The following GALNT17 variants were observed in gnomAD, a reference collection of about 807,000 sequenced individuals.
GALNT17 encodes polypeptide N-acetylgalactosaminyltransferase 17.
GALNT17 carries 29 observed loss-of-function variants against 63.7 expected under a neutral mutation model. That is an observed-to-expected ratio of 0.46 (90% confidence interval 0.34 to 0.62). GALNT17 has a LOEUF of 0.62. GALNT17 is among the 20% of genes least tolerant of loss of function. The probability of loss-of-function intolerance (pLI) is 0.01; values close to 1 mark genes in which losing one functional copy is unlikely to be tolerated. For synonymous variants in GALNT17, 305 were observed against 318.3 expected, an observed-to-expected ratio of 0.96 and a Z score of 0.45; for missense variants, 603 against 799.6, an observed-to-expected ratio of 0.75 and a Z score of 2.97.
chr7:71,521,681 A>G (rs1056509448), intron 5 of GALNT17, among the ~76,000 whole-genome samples: 5 of 151,992 alleles, frequency 3.3e-5, no homozygotes, highest in Admixed American at 6.6e-5. Flanking sequence ...AGCCCAGTGG[A>G]TTTCACCATG....
At chr7:71,468,188 T>C (rs1193256000) in intron 5 of GALNT17, among the ~76,000 whole-genome samples, 1 of 152,070 alleles carries the variant, frequency 6.6e-6, no homozygotes, top group East Asian at 1.9e-4. Context: ...CCACCACACC[T>C]GGCTAGTTTT....
intron 1 of GALNT17, among the ~76,000 whole-genome samples, chr7:71,167,869 C>T (rs751681815): frequency 1.3e-5 from 2 of 151,848 alleles, no homozygotes; most frequent in African/African-American, 4.8e-5. Flanking sequence ...TTTGTTTTTC[C>T]GTGTTGGCCA....
At chr7:71,694,123 A>C (rs968932665) in intron 9 of GALNT17, among the ~76,000 whole-genome samples, 1 of 152,062 alleles carries the variant, frequency 6.6e-6, no homozygotes, top group East Asian at 1.9e-4. Context: ...AAGAGAAGAG[A>C]ACTTGTGCAG....
chr7:71,496,363 G>A (rs10257562), intron 5 of GALNT17, among the ~76,000 whole-genome samples: 7,607 of 152,050 alleles, frequency 0.05, 367 homozygotes, highest in African/African-American at 0.13. Flanking sequence ...GTGGGGGTGG[G>A]GAGACATCTT....
rs2115574284 is a variant in GALNT17 at position 71,712,384 on chromosome 7, C to G, written c.*238C>G. ...AGCCCCCCACCCTTCCTCTGGGAAACTGACAGCTGTCTTCCACAGCCTCTG... is the reference window on the plus strand; with the variant it reads ...AGCCCCCCACCCTTCCTCTGGGAAAGTGACAGCTGTCTTCCACAGCCTCTG... On this transcript the variant is annotated 3_prime_UTR_variant, in exon 11 of 11. Transcript: ENST00000333538. 4.9e-6 allele frequency: 2 copies of G among 404,728 alleles called. No homozygotes were observed. Among genetic ancestry groups the G allele is most frequent in the Non-Finnish European group, 9.0e-6 (2 of 221,840 alleles). 25.1% of individuals were successfully genotyped at this position (404,728 alleles called of 1,614,324 possible).
At chr7:71,657,885 GAT>G (rs1255237804) in intron 6 of GALNT17, among the ~76,000 whole-genome samples, 346 of 22,942 alleles carry the variant, frequency 0.015, 3 homozygotes, top group Non-Finnish European at 0.014. Context: ...TGGATGGATG[GAT>G]GGATGGATGG....
intron 5 of GALNT17, among the ~76,000 whole-genome samples, chr7:71,441,533 C>A (rs1787066911): frequency 1.3e-5 from 2 of 152,130 alleles, no homozygotes; most frequent in South Asian, 2.1e-4. Flanking sequence ...TTTGTTAACA[C>A]AGGTATACAT....
chr7:71,254,842 C>T (rs780961266), intron 1 of GALNT17, among the ~76,000 whole-genome samples: 17 of 152,228 alleles, frequency 1.1e-4, no homozygotes, highest in African/African-American at 3.1e-4. Flanking sequence ...AAATGAGACT[C>T]GGCCACAGTC....
At chr7:71,624,478 C>A (rs1790342237) in intron 6 of GALNT17, among the ~76,000 whole-genome samples, 1 of 151,860 alleles carries the variant, frequency 6.6e-6, no homozygotes. Context: ...GGCCTTATAC[C>A]AATTGCAAGG....
chr7:71,132,969 C>G lies in GALNT17; in HGVS notation c.167C>G (p.Ala56Gly). 1.2e-6 allele frequency: 2 copies of G among 1,609,238 alleles called. No individual in the cohort carries two copies. The highest frequency in any genetic ancestry group is 1.3e-5 in the African/African-American group (1 of 74,958). Residue 56 changes from alanine to glycine, a missense_variant, in exon 1 of 11, where the codon GCC becomes GGC. Ala to Gly is a moderately conservative substitution (Grantham distance 60, BLOSUM62 0). Transcript: ENST00000333538. Reference protein sequence around the residue: ...AEVANLSAHSASPIQDAVLKR... With the variant: ...AEVANLSAHSGSPIQDAVLKR... Reference sequence around the variant, plus strand: ...GTGGCCAACCTCAGCGCGCACAGCGCCAGCCCCATCCAGGATGCGGTCCTG... The same window carrying G: ...GTGGCCAACCTCAGCGCGCACAGCGGCAGCCCCATCCAGGATGCGGTCCTG...
intron 2 of GALNT17, among the ~76,000 whole-genome samples, chr7:71,372,772 A>G (rs1792648540): frequency 6.6e-6 from 1 of 152,246 alleles, no homozygotes; most frequent in Non-Finnish European, 1.5e-5. Flanking sequence ...TATTAGCTTT[A>G]TATTGGATTG....
chr7:71,306,064 A>G (rs1791287008), intron 1 of GALNT17, among the ~76,000 whole-genome samples: 1 of 152,060 alleles, frequency 6.6e-6, no homozygotes, highest in East Asian at 1.9e-4. Context: ...ACTTAAAAAT[A>G]CTAAAATTAG....
At chr7:71,506,287 G>C (rs1267332181) in intron 5 of GALNT17, among the ~76,000 whole-genome samples, 3 of 152,036 alleles carry the variant, frequency 2.0e-5, no homozygotes, top group Non-Finnish European at 4.4e-5. Context: ...TTTATTTTGA[G>C]ATGGAGTCTT....
intron 1 of GALNT17, among the ~76,000 whole-genome samples, chr7:71,177,752 T>G (rs58698445): frequency 0.022 from 3,412 of 152,302 alleles, 93 homozygotes; most frequent in African/African-American, 0.067. Flanking sequence ...ATATAGCTTG[T>G]GTCACGTTAT....
rs186129309 is a variant in GALNT17 at position 71,389,906 on chromosome 7, A to G, written c.589+1505A>G. Reference sequence around the variant, plus strand: ...AAACTGTACAACAGGCAAATATTGCATGTCAATAACAAAACTCCTGGGAGA... The same window carrying G: ...AAACTGTACAACAGGCAAATATTGCGTGTCAATAACAAAACTCCTGGGAGA... On this transcript the variant is annotated intron_variant, in intron 3 of 10. Coordinates refer to ENST00000333538, the MANE Select transcript of GALNT17 (RefSeq NM_022479.3). 2.8e-3 allele frequency among the ~76,000 whole-genome samples: 425 copies of G among 152,308 alleles called. 3 individuals are homozygous for G. Among genetic ancestry groups the G allele is most frequent in the Middle Eastern group, 3.4e-3 (1 of 294 alleles).
chr7:71,486,334 A>AAATAAG (rs1406555039), intron 5 of GALNT17, among the ~76,000 whole-genome samples: 2 of 133,344 alleles, frequency 1.5e-5, no homozygotes, highest in East Asian at 4.3e-4. Context: ...GCCTGTCTGA[A>AAATAAG]AATAATAATA....
At chr7:71,620,854 G>A (rs150565232) in intron 6 of GALNT17, among the ~76,000 whole-genome samples, 9 of 152,100 alleles carry the variant, frequency 5.9e-5, no homozygotes, top group African/African-American at 1.2e-4. Flanking sequence ...GCATCAATAA[G>A]CATTTTTTCC....
At chr7:71,370,909 C>A (rs1792609983) in intron 2 of GALNT17, among the ~76,000 whole-genome samples, 1 of 152,120 alleles carries the variant, frequency 6.6e-6, no homozygotes, top group South Asian at 2.1e-4. Flanking sequence ...CCTCGTCTGA[C>A]TTTATGTTTC....
At chr7:71,157,474 A>G (rs140298885) in intron 1 of GALNT17, among the ~76,000 whole-genome samples, 4 of 151,720 alleles carry the variant, frequency 2.6e-5, no homozygotes, top group Non-Finnish European at 5.9e-5. Flanking sequence ...CCTGGCCAAC[A>G]TGGTGAAACC....
Sources: allele counts gnomAD v4.1 joint callset (sites outside exome capture counted in the v4.1 genomes callset), GRCh38; gene constraint gnomAD v4.1.1; transcripts MANE v1.5; gene names NCBI Gene and HGNC (gene_info 2026-07-23, HGNC 2026-07-21).